The following PTPN4 variants were observed in gnomAD, a reference collection of about 807,000 sequenced individuals.
The protein encoded by PTPN4 is protein tyrosine phosphatase non-receptor type 4, also known as tyrosine-protein phosphatase non-receptor type 4.
In PTPN4, 49 loss-of-function variants were observed where a neutral mutation model predicts 135.5. The ratio of observed to expected loss-of-function variants is 0.36; its 90% confidence interval spans 0.29 to 0.46. The LOEUF is 0.46. PTPN4 is among the 20% of genes least tolerant of loss of function. The pLI is 1.00. For missense variants in PTPN4, 860 were observed against 1,101.0 expected (o/e 0.78, Z 3.10); for synonymous variants, 333 against 369.9 (o/e 0.90, Z 1.14).
rs1421251887 is a variant in PTPN4 at position 119,979,881 on chromosome 2, C to T, written c.*2811C>T. 1.3e-5 allele frequency: 2 copies of T among 152,056 alleles called. No homozygotes were observed. The highest frequency in any genetic ancestry group is 2.9e-5 in the Non-Finnish European group (2 of 67,966). 9.4% of individuals were successfully genotyped at this position (152,056 alleles called of 1,614,324 possible). A position where few individuals can be genotyped will look rare whatever the true frequency, so the allele number is the denominator to read the frequency against. ...AATGCTAAGAAGTGTTTGTGAAAAC[C>T]TTCCCTTTCTGAGTTAGGATTGTTT... On this transcript the variant is annotated 3_prime_UTR_variant, in exon 27 of 27. Transcript: ENST00000263708.
In PTPN4 at chr2:119,910,898, A is replaced by G. The variant is rs1678561956; in HGVS notation, c.765-4281A>G. ...GTCTTTATTAGCAGTGTGAGAATGG[A>G]CTAATACAAGTACCATTAATAAATT... On this transcript the variant is annotated intron_variant, in intron 10 of 26. Coordinates refer to ENST00000263708, the MANE Select transcript of PTPN4 (RefSeq NM_002830.4). Among the ~76,000 whole-genome samples the G allele has an allele frequency of 1.3e-5, 2 of 152,170 alleles. 1 individual carries two copies. Among genetic ancestry groups the G allele is most frequent in the Admixed American group, 1.3e-4 (2 of 15,262 alleles).
chr2:119,949,870 T>TACACAC (rs139007582), intron 18 of PTPN4, among the ~76,000 whole-genome samples: 1 of 148,764 alleles, frequency 6.7e-6, no homozygotes, highest in East Asian at 2.0e-4. Context: ...CTGTCTGAAA[T>TACACAC]ACACACACAC....
intron 1 of PTPN4, among the ~76,000 whole-genome samples, chr2:119,761,161 C>T (rs569205763): frequency 1.3e-5 from 2 of 152,202 alleles, no homozygotes; most frequent in African/African-American, 4.8e-5. Flanking sequence ...TTTCTGTGTC[C>T]AGATCTTGGG....
intron 11 of PTPN4, among the ~76,000 whole-genome samples, chr2:119,919,135 G>A (rs1013149819): frequency 6.6e-6 from 1 of 152,140 alleles, no homozygotes; most frequent in Non-Finnish European, 1.5e-5. Flanking sequence ...TCTGGAACTG[G>A]GTAAAGGTTA....
chr2:119,943,422 C>T (rs552629157), intron 15 of PTPN4, among the ~76,000 whole-genome samples: 18 of 152,198 alleles, frequency 1.2e-4, no homozygotes, highest in Admixed American at 3.9e-4. Flanking sequence ...TTCTTTCTTT[C>T]TTACATTGTA....
intron 9 of PTPN4, 51 bp downstream of exon 9, chr2:119,885,933 A>G (rs1419710140): frequency 1.6e-6 from 2 of 1,247,188 alleles, no homozygotes; most frequent in South Asian, 1.6e-5. Context: ...TCCGTTACTC[A>G]ATATAACATT....
intron 1 of PTPN4, among the ~76,000 whole-genome samples, chr2:119,764,730 A>G (rs1489547543): frequency 6.6e-6 from 1 of 150,498 alleles, no homozygotes; most frequent in Non-Finnish European, 1.5e-5. Context: ...CGTCTTTTGT[A>G]TTGTCTTATG....
chr2:119,809,967 C>G lies in PTPN4; in HGVS notation c.114C>G (p.Asn38Lys). ...EVVCNILLLD[N>K]TVQAFKVNKH... ...TTTGCAACATCCTTCTTCTGGATAA[C>G]ACTGTACAAGCTTTCAAAGTCAATG... Residue 38 changes from asparagine to lysine, a missense_variant, in exon 2 of 27, where the codon AAC becomes AAG. Around this residue, in one of 2 missense-constraint regions of PTPN4, gnomAD observed 684 missense variants for 807.0 expected, o/e 0.85. Transcript: ENST00000263708. The G allele has an allele frequency of 6.2e-7, 1 of 1,612,194 alleles. No individual in the cohort carries two copies. Among genetic ancestry groups the G allele is most frequent in the Non-Finnish European group, 8.5e-7 (1 of 1,179,352 alleles).
chr2:119,771,854 A>C (rs756408046), intron 1 of PTPN4, among the ~76,000 whole-genome samples: 3 of 152,168 alleles, frequency 2.0e-5, no homozygotes, highest in Non-Finnish European at 4.4e-5. Context: ...CTCTTGTAGT[A>C]GTCTTTTTAA....
In PTPN4 at chr2:119,982,558, T is replaced by C. The variant is rs1558782501; in HGVS notation, c.*5488T>C. The C allele has an allele frequency of 6.6e-6, 1 of 152,212 alleles. No homozygotes were observed. The highest frequency in any genetic ancestry group is 2.4e-5 in the African/African-American group (1 of 41,450). 9.4% of individuals were successfully genotyped at this position (152,212 alleles called of 1,614,324 possible). ...TTTTCATTTTGCTTTGCCTCTAGAA[T>C]AGAAACTTTTCAGAAAATTTGCACA... On this transcript the variant is annotated 3_prime_UTR_variant, in exon 27 of 27. Transcript: ENST00000263708.
At chr2:119,784,133 GC>G (rs1297278031) in intron 1 of PTPN4, among the ~76,000 whole-genome samples, 1 of 152,116 alleles carries the variant, frequency 6.6e-6, no homozygotes, top group Non-Finnish European at 1.5e-5. Flanking sequence ...CTAGATAGAA[GC>G]TAAAGGGCTT....
chr2:119,880,977 T>C (rs1465509039), intron 5 of PTPN4, among the ~76,000 whole-genome samples: 1 of 152,148 alleles, frequency 6.6e-6, no homozygotes, highest in Non-Finnish European at 1.5e-5. Context: ...TTTTTTAGTT[T>C]AGTGAAATAA....
intron 5 of PTPN4, among the ~76,000 whole-genome samples, chr2:119,879,780 TCTG>T (rs1223174345): frequency 3.9e-5 from 6 of 152,248 alleles, no homozygotes; most frequent in African/African-American, 1.4e-4. Flanking sequence ...AAACAGGAAA[TCTG>T]CTGCACCTCC....
At chr2:119,824,216 G>A (rs896602766) in intron 2 of PTPN4, among the ~76,000 whole-genome samples, 3 of 152,158 alleles carry the variant, frequency 2.0e-5, no homozygotes, top group African/African-American at 7.2e-5. Context: ...TTAAGGGCCA[G>A]AATATGACAT....
chr2:119,958,568 T>A (rs1360723557), intron 22 of PTPN4, among the ~76,000 whole-genome samples: 1 of 152,180 alleles, frequency 6.6e-6, no homozygotes, highest in Non-Finnish European at 1.5e-5. Context: ...TATATCACTG[T>A]ATATGTCAGT....
intron 1 of PTPN4, among the ~76,000 whole-genome samples, chr2:119,773,694 C>A (rs1216403266): frequency 6.7e-6 from 1 of 148,378 alleles, no homozygotes; most frequent in African/African-American, 2.5e-5. Context: ...CGAGATCGCA[C>A]CACTGCACTC....
At chr2:119,963,049 TA>T (rs1446474468) in intron 24 of PTPN4, among the ~76,000 whole-genome samples, 2 of 152,030 alleles carry the variant, frequency 1.3e-5, no homozygotes, top group Admixed American at 6.6e-5. Context: ...TGTTTCATTA[TA>T]AAAAAAACTT....
chr2:119,919,859 C>T (rs1243556470), intron 11 of PTPN4, among the ~76,000 whole-genome samples: 1 of 150,874 alleles, frequency 6.6e-6, no homozygotes, highest in African/African-American at 2.4e-5. Context: ...GAGTTAGGTC[C>T]AGATTTTTCA....
At chr2:119,905,067 CAAT>C (rs1339013235) in intron 10 of PTPN4, among the ~76,000 whole-genome samples, 6 of 143,422 alleles carry the variant, frequency 4.2e-5, no homozygotes, top group African/African-American at 1.0e-4. Flanking sequence ...TCAAGGGAAA[CAAT>C]AAGAGGATGA....
Sources: gnomAD v4.1 joint callset for allele counts (sites outside exome capture counted in the v4.1 genomes callset) on GRCh38, gnomAD v4.1.1 for gene constraint, gnomAD v4.1.1 regional missense constraint, MANE v1.5 for transcripts, NCBI Gene and HGNC (gene_info 2026-07-23, HGNC 2026-07-21) for gene names.